MMAA: variants seen among roughly 807,000 people sequenced by gnomAD.
MMAA encodes methylmalonic aciduria type A protein, mitochondrial.
Under a neutral mutation model 45.0 loss-of-function variants are expected in MMAA, and 41 were observed. That is an observed-to-expected ratio of 0.91 (90% CI 0.71 to 1.18). The LOEUF is 1.18. Ranked by LOEUF, MMAA falls within the 50% of genes most tolerant of loss-of-function variation. The pLI, the probability that MMAA is intolerant of heterozygous loss-of-function variation, is 0.00. For missense variants in MMAA, 460 were observed against 495.7 expected, an observed-to-expected ratio of 0.93 and a Z score of 0.68; for synonymous variants, 154 against 178.2, an observed-to-expected ratio of 0.86 and a Z score of 1.08.
rs181608052 is a variant in MMAA at position 145,624,621 on chromosome 4, T to A, written c.-66+5214T>A. ...ACTTTGGTGCTTTAGTTCTATTACT[T>A]CTTTACTAGAAGGACAGAGCCACAT... On this transcript the variant is annotated intron_variant, in intron 1 of 6. Transcript: ENST00000649156. The A allele has an allele frequency of 9.4e-6, 13 of 1,378,344 alleles. No individual in the cohort carries two copies. The Admixed American group carries it at 2.3e-4, about 25-fold the overall frequency. The allele number at this position is 1,378,344 out of a possible 1,614,324, so 85.4% of individuals were successfully genotyped here.
chr4:145,637,601 G>T (rs900465363), intron 1 of MMAA, among the ~76,000 whole-genome samples: 13 of 152,142 alleles, frequency 8.5e-5, no homozygotes, highest in Admixed American at 2.0e-4. Flanking sequence ...GCCTTGAAGT[G>T]CCATTTACAG....
At chr4:145,653,481 A>G (rs1034754805) in intron 5 of MMAA, among the ~76,000 whole-genome samples, 43 of 152,222 alleles carry the variant, frequency 2.8e-4, no homozygotes, top group African/African-American at 3.1e-4. Flanking sequence ...AAAATAAATA[A>G]TAATAAAAAA....
intron 1 of MMAA, chr4:145,625,545 T>A: frequency 1.3e-6 from 1 of 753,710 alleles, no homozygotes. Flanking sequence ...CATCAAGTGC[T>A]CAGAAATTTG....
rs768708007 is a variant in MMAA, at chr4:145,658,816, A to C, written c.*3382A>C. On this transcript the variant is annotated 3_prime_UTR_variant, in exon 7 of 7. Coordinates refer to ENST00000649156, the MANE Select transcript of MMAA (RefSeq NM_172250.3). Reference sequence around the variant, plus strand: ...CTAGTAAACTACCAGTAAACTGTGAAGACAGAAGTAACTCCTGTGATCTAT... The same window carrying C: ...CTAGTAAACTACCAGTAAACTGTGACGACAGAAGTAACTCCTGTGATCTAT... 3.3e-5 allele frequency: 5 copies of C among 152,236 alleles called. No homozygotes were observed. Among genetic ancestry groups the C allele is most frequent in the Non-Finnish European group, 7.3e-5 (5 of 68,038 alleles). 9.4% of individuals were successfully genotyped at this position (152,236 alleles called of 1,614,324 possible). A position where few individuals can be genotyped will look rare whatever the true frequency, so the allele number is the denominator to read the frequency against.
intron 1 of MMAA, among the ~76,000 whole-genome samples, chr4:145,621,892 T>G (rs1416539708): frequency 6.6e-6 from 1 of 152,190 alleles, no homozygotes; most frequent in Non-Finnish European, 1.5e-5. Flanking sequence ...TATATTGAAA[T>G]CAGTTTAAAA....
chr4:145,639,687 C>T, intron 2 of MMAA, 109 bp downstream of exon 2: 1 of 1,455,026 alleles, frequency 6.9e-7, no homozygotes, highest in South Asian at 1.5e-5. Flanking sequence ...ACTTTTTTCA[C>T]AATATTTGGA....
rs934973590 is a variant in MMAA at position 145,646,223 on chromosome 4, A to G, written c.733+67A>G. 3 of 1,587,984 alleles carry G rather than the reference A, an allele frequency of 1.9e-6. No individual in the cohort carries two copies. The African/African-American group carries it at 4.0e-5, about 21-fold the overall frequency. On this transcript the variant is annotated intron_variant, in intron 4 of 6. Transcript: ENST00000649156. ...GAATGCTATATAAAGATGAGTGACA[A>G]CTTATTTTTGTTCATTCAGCAGATA...
intron 6 of MMAA, among the ~76,000 whole-genome samples, chr4:145,654,460 A>G (rs534548544): frequency 2.6e-5 from 4 of 152,346 alleles, no homozygotes; most frequent in East Asian, 1.9e-4. Context: ...TTGATTATCT[A>G]TATTGGAATT....
At chr4:145,637,671 A>G (rs1727650495) in intron 1 of MMAA, among the ~76,000 whole-genome samples, 1 of 152,202 alleles carries the variant, frequency 6.6e-6, no homozygotes, top group Non-Finnish European at 1.5e-5. Flanking sequence ...AATCAACCAA[A>G]ATTTACAAAT....
At position 145,653,994 on chromosome 4, in the gene MMAA, G is replaced by C; in HGVS notation, c.820G>C (p.Gly274Arg). 2.5e-6 allele frequency: 4 copies of C among 1,613,904 alleles called. No homozygotes were observed. Among genetic ancestry groups the C allele is most frequent in the Non-Finnish European group, 3.4e-6 (4 of 1,179,876 alleles). The stretch of plus-strand genomic sequence containing the variant: ...CATTAAATGTTTCTGATCTCTTTAG[G>C]GTATCAAAAGGGGTATAATCGAGAT... The part of the protein sequence containing the change: ...LPPAGGDELQ[G>R]IKRGIIEMAD... Residue 274 changes from glycine (G) to arginine (R), a missense_variant and splice_region_variant, in exon 6 of 7, where the codon GGT (glycine) becomes CGT (arginine). Physicochemically the swap from Gly to Arg is moderately radical, Grantham distance 125. Transcript: ENST00000649156.
At chr4:145,634,216 A>G (rs1727545257) in intron 1 of MMAA, among the ~76,000 whole-genome samples, 1 of 152,012 alleles carries the variant, frequency 6.6e-6, no homozygotes. Context: ...GGAGTCAAAA[A>G]CTCTGGAAAT....
chr4:145,656,108 C>T lies in MMAA; in HGVS notation c.*674C>T, dbSNP rs374413811. 12 of 152,224 alleles carry T rather than the reference C, an allele frequency of 7.9e-5. No individual in the cohort carries two copies. Among genetic ancestry groups the T allele is most frequent in the African/African-American group, 2.6e-4 (11 of 41,546 alleles). 9.4% of individuals were successfully genotyped at this position (152,224 alleles called of 1,614,324 possible). A position where few individuals can be genotyped will look rare whatever the true frequency, so the allele number is the denominator to read the frequency against. ...GTGACTAATCCCCAGTTCTTGGACC[C>T]ATTATATTTGTAGCCAATTGGAGTA... On this transcript the variant is annotated 3_prime_UTR_variant, in exon 7 of 7. Transcript: ENST00000649156.
intron 3 of MMAA, among the ~76,000 whole-genome samples, chr4:145,643,147 T>C (rs899735894): frequency 2.6e-5 from 4 of 152,222 alleles, no homozygotes; most frequent in Admixed American, 6.5e-5. Flanking sequence ...AAGGATCATT[T>C]AAAGAAAACA....
intron 3 of MMAA, among the ~76,000 whole-genome samples, chr4:145,644,257 A>G (rs1471422605): frequency 6.6e-6 from 1 of 152,214 alleles, no homozygotes; most frequent in Non-Finnish European, 1.5e-5. Flanking sequence ...TTTAAAGTAT[A>G]GCTTTGGCAG....
In MMAA at chr4:145,655,265, A is replaced by C. The variant is rs1728196527; in HGVS notation, c.1088A>C (p.Gln363Pro). The change falls in exon 7 of 7, where the codon CAG becomes CCG. Residue 363 changes from glutamine to proline, a missense_variant. Physicochemically the swap from Gln to Pro is moderately conservative, Grantham distance 76. Transcript: ENST00000649156. ...GELTAKRRKQ[Q>P]KVWMWNLIQE... ...CTGACTGCCAAACGACGGAAGCAAC[A>C]GAAAGTTTGGATGTGGAATCTCATT... 6.2e-7 allele frequency: 1 copy of C among 1,614,106 alleles called. No individual in the cohort carries two copies. Among genetic ancestry groups the C allele is most frequent in the Non-Finnish European group, 8.5e-7 (1 of 1,180,044 alleles).
At chr4:145,624,222 A>G (rs1578867961) in intron 1 of MMAA, 2 of 822,492 alleles carry the variant, frequency 2.4e-6, no homozygotes, top group East Asian at 4.8e-5. Flanking sequence ...GCATACAGGC[A>G]AAGAGATCAC....
chr4:145,625,928 C>G (rs1734195846), intron 1 of MMAA: 1 of 1,591,798 alleles, frequency 6.3e-7, no homozygotes, highest in Admixed American at 1.7e-5. Context: ...GCTGTTCAGC[C>G]TGGAGAACTC....
At chr4:145,649,891 C>T (rs1728042202) in intron 4 of MMAA, among the ~76,000 whole-genome samples, 1 of 152,126 alleles carries the variant, frequency 6.6e-6, no homozygotes, top group African/African-American at 2.4e-5. Context: ...TGTCCTTCCA[C>T]CTCAGCTTCC....
intron 5 of MMAA, 52 bp downstream of exon 5, chr4:145,651,199 A>G: frequency 1.3e-6 from 2 of 1,494,854 alleles, no homozygotes; most frequent in Non-Finnish European, 1.9e-6. Context: ...ATCTCTGAAA[A>G]TAAAAATTTC....
Sources: gnomAD v4.1 joint callset for allele counts (sites outside exome capture counted in the v4.1 genomes callset) on GRCh38, gnomAD v4.1.1 for gene constraint, MANE v1.5 for transcripts, NCBI Gene and HGNC (gene_info 2026-07-23, HGNC 2026-07-21) for gene names.